Variants in SLC24A2 observed in about 807,000 individuals in gnomAD.
The protein encoded by SLC24A2 is sodium/potassium/calcium exchanger 2.
A neutral mutation model predicts 62.0 loss-of-function variants in SLC24A2; 36 were observed. The observed-to-expected ratio is 0.58, with a 90% CI of 0.44 to 0.77. The LOEUF is 0.77. SLC24A2 is among the 30% of genes least tolerant of loss of function. The pLI is 0.00. For missense variants in SLC24A2, 846 were observed against 817.9 expected (o/e 1.03, Z -0.42); for synonymous variants, 358 against 294.0 (o/e 1.22, Z -2.23).
At chr9:19,959,087 A>G in the SLC24A2 span, among the ~76,000 whole-genome samples, 1 of 152,228 alleles carries the variant, frequency 6.6e-6, no homozygotes, top group South Asian at 2.1e-4. Context: ...TCGCTAACCC[A>G]TCTCTCACTG....
chr9:20,086,476 T>G, the SLC24A2 span, among the ~76,000 whole-genome samples: 8 of 152,168 alleles, frequency 5.3e-5, no homozygotes, highest in Non-Finnish European at 1.0e-4. Context: ...AGAATCCTGA[T>G]CTTGTTATAG....
At chr9:20,288,272 A>G in the SLC24A2 span, among the ~76,000 whole-genome samples, 2 of 152,194 alleles carry the variant, frequency 1.3e-5, no homozygotes, top group African/African-American at 2.4e-5. Context: ...GACTTGGTGT[A>G]ATGCAAGGGT....
intron 2 of SLC24A2, among the ~76,000 whole-genome samples, chr9:19,756,523 A>T (rs1024915328): frequency 6.6e-6 from 1 of 152,196 alleles, no homozygotes; most frequent in Admixed American, 6.5e-5. Flanking sequence ...ACAAAATTTG[A>T]TGCTGACAAC....
At chr9:20,167,843 C>A in the SLC24A2 span, among the ~76,000 whole-genome samples, 2 of 151,802 alleles carry the variant, frequency 1.3e-5, no homozygotes, top group Non-Finnish European at 2.9e-5. Flanking sequence ...CCTCAACTTC[C>A]CAGGTATCTG....
chr9:19,991,166 C>T, the SLC24A2 span, among the ~76,000 whole-genome samples: 1 of 151,900 alleles, frequency 6.6e-6, no homozygotes, highest in African/African-American at 2.4e-5. Context: ...GAAGCCAGTC[C>T]AAGACCCAAA....
chr9:19,907,973 G>T, the SLC24A2 span, among the ~76,000 whole-genome samples: 1,169 of 152,112 alleles, frequency 7.7e-3, 20 homozygotes, highest in African/African-American at 0.026. Context: ...TCACAGAATT[G>T]GAAAAAACTA....
At chr9:19,847,711 C>T in the SLC24A2 span, among the ~76,000 whole-genome samples, 1 of 152,098 alleles carries the variant, frequency 6.6e-6, no homozygotes, top group African/African-American at 2.4e-5. Flanking sequence ...CATCCTAATC[C>T]TTGTGATTTT....
At chr9:19,993,472 C>T in the SLC24A2 span, among the ~76,000 whole-genome samples, 1 of 152,164 alleles carries the variant, frequency 6.6e-6, no homozygotes, top group Non-Finnish European at 1.5e-5. Context: ...TTATAACCAT[C>T]TATGGATGCT....
chr9:20,077,786 C>G, the SLC24A2 span, among the ~76,000 whole-genome samples: 1 of 152,178 alleles, frequency 6.6e-6, no homozygotes. Context: ...CAAGTCATCC[C>G]TGGTAATCCT....
chr9:20,271,288 A>G, the SLC24A2 span, among the ~76,000 whole-genome samples: 2 of 152,192 alleles, frequency 1.3e-5, no homozygotes, highest in African/African-American at 4.8e-5. Context: ...GATCCCTTCA[A>G]TGATGCATGT....
chr9:19,744,972 G>T (rs573683991), intron 2 of SLC24A2, among the ~76,000 whole-genome samples: 3 of 152,220 alleles, frequency 2.0e-5, no homozygotes, highest in South Asian at 2.1e-4. Context: ...ATATGGTCTG[G>T]ACATTTGTCA....
the SLC24A2 span, among the ~76,000 whole-genome samples, chr9:20,013,872 A>C: frequency 5.6e-4 from 85 of 152,316 alleles, no homozygotes; most frequent in African/African-American, 1.9e-3. Context: ...TTAAAACCAC[A>C]AGGAAATATC....
intron 9 of SLC24A2, among the ~76,000 whole-genome samples, chr9:19,526,180 G>C (rs113420192): frequency 5.2e-4 from 79 of 152,098 alleles, no homozygotes; most frequent in Admixed American, 1.4e-3. Flanking sequence ...GCATGTATTG[G>C]TACTTCATTT....
At chr9:20,054,127 A>G in the SLC24A2 span, among the ~76,000 whole-genome samples, 22 of 152,066 alleles carry the variant, frequency 1.4e-4, no homozygotes, top group East Asian at 3.5e-3. Flanking sequence ...GTTGCATGGA[A>G]AAGTTCTTTA....
chr9:19,519,976 G>C (rs999620378), intron 10 of SLC24A2, among the ~76,000 whole-genome samples: 1 of 152,152 alleles, frequency 6.6e-6, no homozygotes, highest in African/African-American at 2.4e-5. Context: ...ATTTTTATCT[G>C]AATAATAGGG....
chr9:19,914,127 TC>T, the SLC24A2 span, among the ~76,000 whole-genome samples: 2 of 152,104 alleles, frequency 1.3e-5, no homozygotes, highest in Non-Finnish European at 2.9e-5. Context: ...GGGTTCTACC[TC>T]AAAATGCGCT....
Position 19,573,574 on chromosome 9 carries a change from G to A in SLC24A2, c.1229-105C>T, listed in dbSNP as rs1241582948. On this transcript the variant is annotated intron_variant, in intron 6 of 10. Coordinates refer to ENST00000341998, the MANE Select transcript of SLC24A2 (RefSeq NM_020344.4). ...GAGAGAAAGCAAATGGAATCAATGG[G>A]GGTAAAGAGCAATATTGAAAAGAGT... is the stretch of plus-strand genomic sequence containing the variant. 4.6e-6 allele frequency: 4 copies of A among 869,858 alleles called. No individual in the cohort carries two copies. In the East Asian group the frequency reaches 7.8e-5, roughly 17 times the overall value. The allele number at this position is 869,858 out of a possible 1,614,324, so 53.9% of individuals were successfully genotyped here.
At chr9:19,663,952 A>G (rs1425660836) in intron 2 of SLC24A2, among the ~76,000 whole-genome samples, 1 of 152,204 alleles carries the variant, frequency 6.6e-6, no homozygotes, top group African/African-American at 2.4e-5. Flanking sequence ...AAGCAGGTGG[A>G]TGGACGAAAG....
the SLC24A2 span, among the ~76,000 whole-genome samples, chr9:20,265,615 T>C: frequency 2.0e-5 from 3 of 152,206 alleles, no homozygotes; most frequent in Admixed American, 1.3e-4. Flanking sequence ...CCTGTGATGA[T>C]TGCGTTAACT....
Sources: gnomAD v4.1 joint callset for allele counts (sites outside exome capture counted in the v4.1 genomes callset) on GRCh38, gnomAD v4.1.1 for gene constraint, MANE v1.5 for transcripts, NCBI Gene and HGNC (gene_info 2026-07-23, HGNC 2026-07-21) for gene names.